The following ATRX variants were observed in gnomAD, a reference collection of about 807,000 sequenced individuals.
ATRX encodes the protein chromatin remodeler ATRX.
A neutral mutation model predicts 172.6 loss-of-function variants in ATRX; 12 were observed. The ratio of observed to expected loss-of-function variants is 0.07; its 90% CI spans 0.04 to 0.11. The LOEUF is 0.11. Among genes scored for constraint, ATRX ranks in the 10% least tolerant of loss-of-function variants. ATRX has a pLI of 1.00. For synonymous variants in ATRX, 674 were observed against 594.7 expected (o/e 1.13, Z -1.94); for missense variants, 1,368 against 1,767.4 (o/e 0.77, Z 4.05).
At chrX:77,743,185 TTA>T (rs1418113103) in intron 1 of ATRX, among the ~76,000 whole-genome samples, 1 of 110,832 alleles carries the variant, frequency 9.0e-6, no homozygotes, top group Non-Finnish European at 1.9e-5. Context: ...CTGGGATGAT[TTA>T]GGGACTAGGC....
chrX:77,559,624 T>A (rs1353268281), intron 28 of ATRX, among the ~76,000 whole-genome samples: 2 of 108,099 alleles, frequency 1.9e-5, no homozygotes, highest in Non-Finnish European at 3.8e-5. Context: ...GCCTGGTTAA[T>A]TTTTGTATTT....
chrX:77,746,578 A>G (rs1320464053), intron 1 of ATRX, among the ~76,000 whole-genome samples: 4 of 111,630 alleles, frequency 3.6e-5, no homozygotes, highest in Admixed American at 9.6e-5. Flanking sequence ...ACACTCTCAA[A>G]ATGCAAATTC....
chrX:77,552,515 G>A (rs782360333), intron 30 of ATRX, among the ~76,000 whole-genome samples: 2 of 107,760 alleles, frequency 1.9e-5, no homozygotes, highest in African/African-American at 3.4e-5. Flanking sequence ...TAACCTAGAC[G>A]ACGAGTTAAT....
At position 77,624,424 on chromosome X, in the gene ATRX, G is replaced by A. The variant is rs374096858; in HGVS notation, c.5135-3892C>T. ...AAAGGGAATCCAAATCAGTAAAGAG[G>A]AAGTCAAACTGTCCCTGTTTGCTGA... On this transcript the variant is annotated intron_variant, in intron 19 of 34. Coordinates refer to ENST00000373344, the MANE Select transcript of ATRX (RefSeq NM_000489.6). Among the ~76,000 whole-genome samples the A allele has an allele frequency of 1.3e-4, 14 of 111,234 alleles. No individual in the cohort carries two copies. The East Asian group carries it at 2.5e-3, about 20-fold the overall frequency.
chrX:77,522,301 A>G lies in ATRX; in HGVS notation c.6937T>C (p.Leu2313=). ...TTACTCATTGCTGACAGGGCTCCCAAATTGAAAGGAATATAAGGAGTTTGA... is the reference window on the plus strand; with the variant it reads ...TTACTCATTGCTGACAGGGCTCCCAGATTGAAAGGAATATAAGGAGTTTGA... ...NSQTPYIPFN[L]GALSAMSNQQ... Residue 2313 remains leucine (L), a synonymous_variant, in exon 32 of 35, where the codon TTG becomes CTG. Transcript: ENST00000373344. The G allele has an allele frequency of 8.3e-7, 1 of 1,210,705 alleles. No individual in the cohort carries two copies. The highest frequency in any genetic ancestry group is 1.1e-6 in the Non-Finnish European group (1 of 894,668).
chrX:77,775,774 G>A (rs887041626), intron 1 of ATRX, among the ~76,000 whole-genome samples: 1 of 108,781 alleles, frequency 9.2e-6, no homozygotes, highest in Non-Finnish European at 1.9e-5. Context: ...TCATTCTGTC[G>A]CCCAGGCCGG....
chrX:77,596,180 GTAAT>G (rs782114735), intron 25 of ATRX: 25 of 111,281 alleles, frequency 2.2e-4, no homozygotes, highest in Admixed American at 8.6e-4. Flanking sequence ...TCAATTATAG[GTAAT>G]TAATTATTTA....
intron 1 of ATRX, among the ~76,000 whole-genome samples, chrX:77,747,419 G>A (rs2075126712): frequency 9.1e-6 from 1 of 110,391 alleles, no homozygotes; most frequent in African/African-American, 3.3e-5. Context: ...AGCTACTTGG[G>A]AGGCTGAGGC....
At chrX:77,653,832 T>C (rs782284940) in intron 14 of ATRX, among the ~76,000 whole-genome samples, 1 of 111,449 alleles carries the variant, frequency 9.0e-6, no homozygotes, top group East Asian at 2.8e-4. Flanking sequence ...CTTCAGAAAA[T>C]AGAACACTCA....
intron 1 of ATRX, among the ~76,000 whole-genome samples, chrX:77,725,655 C>A (rs1193279891): frequency 1.8e-5 from 2 of 111,682 alleles, no homozygotes; most frequent in Non-Finnish European, 3.8e-5. Context: ...TTCTGCACAG[C>A]AAAAGAAACT....
chrX:77,766,312 C>CG (rs1303737244), intron 1 of ATRX, among the ~76,000 whole-genome samples: 1 of 102,605 alleles, frequency 9.7e-6, no homozygotes, highest in Admixed American at 1.0e-4. Flanking sequence ...GCTGGCCGGG[C>CG]GGGGGGCTGA....
At chrX:77,670,853 A>T (rs1453054973) in intron 10 of ATRX, among the ~76,000 whole-genome samples, 1 of 107,649 alleles carries the variant, frequency 9.3e-6, no homozygotes, top group African/African-American at 3.4e-5. Flanking sequence ...GTTTTCTATT[A>T]AAAAATATGA....
intron 28 of ATRX, among the ~76,000 whole-genome samples, chrX:77,563,444 T>C (rs1349395187): frequency 8.9e-6 from 1 of 112,434 alleles, no homozygotes; most frequent in African/African-American, 3.2e-5. Context: ...ATACATTTAT[T>C]GGCCATTCAG....
intron 1 of ATRX, among the ~76,000 whole-genome samples, chrX:77,717,547 T>C (rs2073501756): frequency 9.7e-6 from 1 of 102,752 alleles, no homozygotes; most frequent in South Asian, 4.4e-4. Flanking sequence ...GAGGTTGCAG[T>C]GAGCCAAGAT....
At chrX:77,624,660 C>T (rs1321290095) in intron 19 of ATRX, among the ~76,000 whole-genome samples, 5 of 111,150 alleles carry the variant, frequency 4.5e-5, no homozygotes, top group African/African-American at 1.6e-4. Flanking sequence ...AATAAATAAA[C>T]AAGAAAGATA....
intron 1 of ATRX, among the ~76,000 whole-genome samples, chrX:77,721,312 G>T (rs2073754716): frequency 9.0e-6 from 1 of 111,681 alleles, no homozygotes; most frequent in Non-Finnish European, 1.9e-5. Context: ...ACACAGTATT[G>T]TAAGTTCTGG....
At chrX:77,765,891 T>C (rs1367240664) in intron 1 of ATRX, among the ~76,000 whole-genome samples, 12 of 105,832 alleles carry the variant, frequency 1.1e-4, no homozygotes, top group African/African-American at 2.8e-4. Flanking sequence ...GTGGTGATGA[T>C]TCTTAACGAG....
chrX:77,756,930 C>A (rs992572253), intron 1 of ATRX, among the ~76,000 whole-genome samples: 2 of 109,985 alleles, frequency 1.8e-5, no homozygotes, highest in African/African-American at 6.6e-5. Flanking sequence ...GGATTACAGG[C>A]ACACACCACC....
At chrX:77,593,594 A>T in intron 26 of ATRX, 102 bp downstream of exon 26, 1 of 883,587 alleles carries the variant, frequency 1.1e-6, no homozygotes, top group Non-Finnish European at 1.6e-6. Context: ...TCACATCTTT[A>T]GGAAGGAAGG....
Sources: gnomAD v4.1 joint callset for allele counts (sites outside exome capture counted in the v4.1 genomes callset) on GRCh38, gnomAD v4.1.1 for gene constraint, MANE v1.5 for transcripts, NCBI Gene and HGNC (gene_info 2026-07-23, HGNC 2026-07-21) for gene names.